The following KIF19 variants were observed in gnomAD, a reference collection of about 807,000 sequenced individuals.
KIF19 encodes kinesin family member 19.
KIF19 carries 98 observed loss-of-function variants against 106.6 expected under a neutral mutation model. The ratio of observed to expected loss-of-function variants is 0.92; its 90% confidence interval spans 0.78 to 1.09. KIF19 has a LOEUF of 1.09. Among genes scored for constraint, KIF19 ranks in the 50% least tolerant of loss-of-function variants. KIF19 has a pLI of 0.00. For synonymous variants in KIF19, 516 were observed against 584.2 expected (o/e 0.88, Z 1.68); for missense variants, 1,373 against 1,414.3 (o/e 0.97, Z 0.47).
rs1388488909 is a variant in KIF19, at chr17:74,354,867, C to A, written c.2792C>A (p.Ala931Asp). ...DHRMPVCRHP[A>D]PGIRHLGKVT... Reference sequence around the variant, plus strand: ...AGGATGCCAGTGTGCAGGCACCCAGCCCCTGGTATCCGGCATCTGGGAAAG... The same window carrying A: ...AGGATGCCAGTGTGCAGGCACCCAGACCCTGGTATCCGGCATCTGGGAAAG... The change falls in exon 19 of 20, where the codon GCC becomes GAC. Residue 931 changes from alanine to aspartate, a missense_variant. Coordinates refer to ENST00000389916, the MANE Select transcript of KIF19 (RefSeq NM_153209.4). 1.9e-6 allele frequency: 3 copies of A among 1,565,780 alleles called. No individual in the cohort carries two copies. Among genetic ancestry groups the A allele is most frequent in the Non-Finnish European group, 2.6e-6 (3 of 1,155,610 alleles).
Position 74,344,775 on chromosome 17 carries a change from G to C in KIF19, c.597G>C (p.Leu199=). The C allele has an allele frequency of 6.2e-7, 1 of 1,607,970 alleles. No homozygotes were observed. Among genetic ancestry groups the C allele is most frequent in the Non-Finnish European group, 8.5e-7 (1 of 1,175,936 alleles). Residue 199 remains leucine, a synonymous_variant, in exon 7 of 20, where the codon CTG becomes CTC. Transcript: ENST00000389916. ...TINAKEIMQL[L]MKGNRQRTQE... is the part of the protein sequence containing the mutation. ...CTCCCACCCAGATCATGCAGCTGCT[G>C]ATGAAGGGGAACCGGCAGAGGACCC...
chr17:74,333,034 G>A (rs1224583367), intron 2 of KIF19, among the ~76,000 whole-genome samples: 1 of 152,236 alleles, frequency 6.6e-6, no homozygotes, highest in African/African-American at 2.4e-5. Context: ...GATAAATAAA[G>A]TATAAGGTGA....
Position 74,326,313 on chromosome 17 carries a change from C to G in KIF19, c.-37C>G, listed in dbSNP as rs752331304. 4.4e-6 allele frequency: 7 copies of G among 1,596,080 alleles called. No individual in the cohort carries two copies. Among genetic ancestry groups the G allele is most frequent in the African/African-American group, 4.1e-5 (3 of 73,430 alleles). On this transcript the variant is annotated 5_prime_UTR_variant, in exon 1 of 20. Coordinates refer to ENST00000389916, the MANE Select transcript of KIF19 (RefSeq NM_153209.4). ...GGTGGGGGTGCGGCTGAGCCATGCCCGGTGGCGCGGCCTGAGCCCCTCCAC... is the reference window on the plus strand; with the variant it reads ...GGTGGGGGTGCGGCTGAGCCATGCCGGGTGGCGCGGCCTGAGCCCCTCCAC...
chr17:74,353,619 C>T (rs377193079), intron 17 of KIF19, 38 bp downstream of exon 17: 18 of 1,532,770 alleles, frequency 1.2e-5, no homozygotes, highest in Non-Finnish European at 1.5e-5. Flanking sequence ...CCTCACCTGG[C>T]CTTGTCTAAA....
At chr17:74,344,004 C>A (rs1443660326) in intron 5 of KIF19, among the ~76,000 whole-genome samples, 2 of 152,162 alleles carry the variant, frequency 1.3e-5, no homozygotes, top group Non-Finnish European at 2.9e-5. Flanking sequence ...GTAACCTTGG[C>A]TCCAGCAGCC....
rs150902935 is a variant in KIF19, at chr17:74,349,437, A to C, written c.1213+88A>C. The stretch of plus-strand genomic sequence containing the variant: ...CAGGCCATGTTGTGTTCAAATCCAG[A>C]ATCGGGCTCTTTCTGGCTGGGTGGT... On this transcript the variant is annotated intron_variant, in intron 10 of 19. Coordinates refer to ENST00000389916, the MANE Select transcript of KIF19 (RefSeq NM_153209.4). 413 of 1,365,644 alleles carry C rather than the reference A, an allele frequency of 3.0e-4. 5 individuals carry two copies. In the East Asian group the frequency reaches 7.8e-3, roughly 26 times the overall value. 84.6% of individuals were successfully genotyped at this position (1,365,644 alleles called of 1,614,324 possible).
chr17:74,344,299 T>C lies in KIF19; in HGVS notation c.533T>C (p.Val178Ala), dbSNP rs1424211190. 2 of 1,611,404 alleles carry C rather than the reference T, an allele frequency of 1.2e-6. No individual in the cohort carries two copies. Among genetic ancestry groups the C allele is most frequent in the African/African-American group, 2.7e-5 (2 of 74,420 alleles). ...YLELREDSKG[V>A]IQVAGITEVS... ...GAGCTGCGGGAGGACTCTAAGGGGG[T>C]GATCCAGGTGGCCGGCATCACCGAA... Residue 178 changes from valine (V) to alanine (A), a missense_variant, in exon 6 of 20, where the codon GTG (valine) becomes GCG (alanine). By Grantham distance (64) the Val-to-Ala change is moderately conservative. This residue lies in a region of KIF19 where 348 missense variants were observed against 389.5 expected (regional missense o/e 0.89). Transcript: ENST00000389916.
intron 17 of KIF19, 119 bp downstream of exon 17, chr17:74,353,700 CT>C: frequency 1.2e-6 from 1 of 800,050 alleles, no homozygotes; most frequent in Non-Finnish European, 2.1e-6. Context: ...GCATTGGGTG[CT>C]ACACATTCTG....
rs775869041 is a variant in KIF19 at position 74,352,806 on chromosome 17, C to T, written c.1981-15C>T. 18 of 1,613,746 alleles carry T rather than the reference C, an allele frequency of 1.1e-5. No individual in the cohort carries two copies. On this transcript the variant is annotated splice_polypyrimidine_tract_variant and intron_variant, in intron 14 of 19. Transcript: ENST00000389916. ...CAAATCTTCTAACTGTCCACCCTGG[C>T]TCCCTCCTCCCCAGGACAGCTCCTT...
intron 9 of KIF19, chr17:74,348,870 C>A: frequency 2.7e-6 from 1 of 377,020 alleles, no homozygotes; most frequent in Non-Finnish European, 4.9e-6. Flanking sequence ...ATGGGGAGAG[C>A]AGGACAGGTC....
chr17:74,355,264 C>T lies in KIF19; in HGVS notation c.2949C>T (p.Pro983=), dbSNP rs1456668886. 5 of 1,612,734 alleles carry T rather than the reference C, an allele frequency of 3.1e-6. No homozygotes were observed. Among genetic ancestry groups the T allele is most frequent in the Admixed American group, 1.7e-5 (1 of 59,970 alleles). ...SRRATRGPRL[P]HGTSTHGKDG... ...GGGCTACCCGTGGGCCCCGCCTGCC[C>T]CACGGCACAAGCACCCATGGCAAAG... The change falls in exon 20 of 20, where the codon CCC becomes CCT. Residue 983 remains proline, a synonymous_variant. Transcript: ENST00000389916.
intron 2 of KIF19, among the ~76,000 whole-genome samples, chr17:74,339,892 A>G (rs2054316170): frequency 6.6e-6 from 1 of 152,142 alleles, no homozygotes; most frequent in African/African-American, 2.4e-5. Context: ...AATCCCAGTG[A>G]CCTTCTCCAC....
At chr17:74,339,789 C>A (rs545581128) in intron 2 of KIF19, among the ~76,000 whole-genome samples, 1 of 152,358 alleles carries the variant, frequency 6.6e-6, no homozygotes, top group Non-Finnish European at 1.5e-5. Context: ...AGCTGCCTCT[C>A]AGGGGGCACC....
chr17:74,348,943 G>A (rs896251597), intron 9 of KIF19: 9 of 549,374 alleles, frequency 1.6e-5, no homozygotes, highest in Non-Finnish European at 2.6e-5. Context: ...AGAGATGGGG[G>A]TGGCCCTTCA....
chr17:74,334,246 C>G (rs2054170076), intron 2 of KIF19, among the ~76,000 whole-genome samples: 1 of 152,028 alleles, frequency 6.6e-6, no homozygotes, highest in Non-Finnish European at 1.5e-5. Context: ...TGTGCATAAT[C>G]CTCTAGGTTG....
chr17:74,342,984 C>G, intron 4 of KIF19, 40 bp from the exon 5 acceptor site: 1 of 1,547,838 alleles, frequency 6.5e-7, no homozygotes, highest in Non-Finnish European at 8.7e-7. Context: ...GCCTCCCTCC[C>G]AGCCCCACCC....
chr17:74,344,420 CAG>C, intron 6 of KIF19, 72 bp downstream of exon 6: 18 of 1,558,432 alleles, frequency 1.2e-5, no homozygotes, highest in Non-Finnish European at 1.6e-5. Context: ...GGGGCGGGGA[CAG>C]AAGCCAGGGA....
At chr17:74,352,979 GC>G in intron 15 of KIF19, 25 bp downstream of exon 15, 1 of 1,612,692 alleles carries the variant, frequency 6.2e-7, no homozygotes. Flanking sequence ...ACCTGCCCCA[GC>G]CCCCACCCTG....
In KIF19 at chr17:74,340,176, C is replaced by G. The variant is rs564919598; in HGVS notation, c.121-1700C>G. The stretch of plus-strand genomic sequence containing the variant: ...CCAGGCCCGACCACCAATAAGAGGT[C>G]ACAGGGCCCTCAGTGCCTACCCTGA... On this transcript the variant is annotated intron_variant, in intron 2 of 19. Transcript: ENST00000389916. 3.9e-4 allele frequency among the ~76,000 whole-genome samples: 60 copies of G among 152,282 alleles called. 1 individual carries two copies. In the Middle Eastern group the frequency reaches 0.02, roughly 52 times the overall value.
Sources: allele counts gnomAD v4.1 joint callset (sites outside exome capture counted in the v4.1 genomes callset), GRCh38; gene constraint gnomAD v4.1.1; regional missense constraint gnomAD v4.1.1; transcripts MANE v1.5; gene names NCBI Gene and HGNC (gene_info 2026-07-23, HGNC 2026-07-21).